PCDHGA6: variants seen among roughly 807,000 people sequenced by gnomAD.
PCDHGA6 encodes protocadherin gamma subfamily A, 6.
Under a neutral mutation model 60.6 loss-of-function variants are expected in PCDHGA6, and 41 were observed. The ratio of observed to expected loss-of-function variants is 0.68; its 90% CI spans 0.53 to 0.88. The LOEUF is 0.88. Ranked by LOEUF, PCDHGA6 falls within the 40% of genes least tolerant of loss-of-function variation. The probability of loss-of-function intolerance (pLI) is 0.00; values close to 1 mark genes in which losing one functional copy is unlikely to be tolerated. For missense variants in PCDHGA6, 1,312 were observed against 1,203.0 expected (o/e 1.09, Z -1.34); for synonymous variants, 594 against 524.4 (o/e 1.13, Z -1.81).
chr5:141,471,444 A>T (rs1366430114), intron 1 of PCDHGA6: 1 of 152,150 alleles, frequency 6.6e-6, no homozygotes, highest in Non-Finnish European at 1.5e-5. Flanking sequence ...AATCTCATGT[A>T]CCTTTTGAAA....
Position 141,375,790 on chromosome 5 carries a change from A to T in PCDHGA6, c.1707A>T (p.Thr569=). The T allele has an allele frequency of 6.2e-7, 1 of 1,614,216 alleles. No homozygotes were observed. The change falls in exon 1 of 4, where the codon ACA becomes ACT. Residue 569 remains threonine (T), a synonymous_variant. Transcript: ENST00000517434. ...AGATCCTGTACCCCGCCCTCCCCAC[A>T]GACGGTTCCACTGGCGTGGAGCTGG... ...APEILYPALP[T]DGSTGVELAP... is the part of the protein sequence containing the mutation.
Position 141,374,071 on chromosome 5 carries a change from T to C in PCDHGA6, c.-13T>C, listed in dbSNP as rs1443520558. 2.0e-6 allele frequency: 3 copies of C among 1,507,898 alleles called. No homozygotes were observed. The highest frequency in any genetic ancestry group is 2.7e-6 in the Non-Finnish European group (3 of 1,129,936). 93.4% of individuals were successfully genotyped at this position (1,507,898 alleles called of 1,614,324 possible). ...CTCTTCTTAATCCCAGAGAAGTTCC[T>C]AATAAGCCAGTAATGGCGCCTCCGC... is the stretch of plus-strand genomic sequence containing the variant. On this transcript the variant is annotated 5_prime_UTR_variant, in exon 1 of 4. Transcript: ENST00000517434.
In PCDHGA6 at chr5:141,430,673, C is replaced by T. The variant is rs183365013; in HGVS notation, c.2424+54166C>T. 1.5e-4 allele frequency: 198 copies of T among 1,288,318 alleles called. 2 individuals are homozygous for T. In the African/African-American group the frequency reaches 2.8e-3, roughly 18 times the overall value. The allele number at this position is 1,288,318 out of a possible 1,614,324, so 79.8% of individuals were successfully genotyped here. On this transcript the variant is annotated intron_variant, in intron 1 of 3. Coordinates refer to ENST00000517434, the MANE Select transcript of PCDHGA6 (RefSeq NM_018919.3). Reference sequence around the variant, plus strand: ...AAACAACGGAGGAGCTCTGACTTCCCAACTGTCCCATTCTATGGGCGAAGG... The same window carrying T: ...AAACAACGGAGGAGCTCTGACTTCCTAACTGTCCCATTCTATGGGCGAAGG...
rs116187844 is a variant in PCDHGA6, at chr5:141,424,198, C to T, written c.2424+47691C>T. The T allele has an allele frequency of 8.5e-3, 1,543 of 182,010 alleles. 28 individuals are homozygous for T. Among genetic ancestry groups the T allele is most frequent in the African/African-American group, 0.035 (1,445 of 41,852 alleles). The allele number at this position is 182,010 out of a possible 1,614,324, so 11.3% of individuals were successfully genotyped here. ...ATACACATGCACACACACTTATACA[C>T]GTAAGCTTTTCTCTGAGCAATTTTA... On this transcript the variant is annotated intron_variant, in intron 1 of 3. Coordinates refer to ENST00000517434, the MANE Select transcript of PCDHGA6 (RefSeq NM_018919.3).
Position 141,491,030 on chromosome 5 carries a change from C to T in PCDHGA6, c.2425-3777C>T. ...GTCACCAAGGTGACAGCCGTGGATG[C>T]TGATGCAGGCCACAATGCGTGGCTC... On this transcript the variant is annotated intron_variant, in intron 1 of 3. Transcript: ENST00000517434. The surrounding 1 kb of genome is among the most constrained non-coding windows in gnomAD (Gnocchi z 6.9). 6.2e-7 allele frequency: 1 copy of T among 1,614,148 alleles called. No individual in the cohort carries two copies. Among genetic ancestry groups the T allele is most frequent in the South Asian group, 1.1e-5 (1 of 91,088 alleles).
In PCDHGA6 at chr5:141,379,822, T is replaced by C. The variant is rs186939729; in HGVS notation, c.2424+3315T>C. ...GGTTTTGAGAGTTCAGTATAGAATT[T>C]TGAAGCATCAGGAAAAAAAACTACC... On this transcript the variant is annotated intron_variant, in intron 1 of 3. Transcript: ENST00000517434. Among the ~76,000 whole-genome samples, 5 of 150,884 alleles carry C rather than the reference T, an allele frequency of 3.3e-5. No individual in the cohort carries two copies. In the East Asian group the frequency reaches 9.7e-4, roughly 29 times the overall value.
chr5:141,374,334 T>G lies in PCDHGA6; in HGVS notation c.251T>G (p.Leu84Trp). The stretch of plus-strand genomic sequence containing the variant: ...TCTCTGAATCCGCGAAACGGCAGCT[T>G]GGTCACCGCGGGTAGGATAGACCGC... ...LFSLNPRNGS[L>W]VTAGRIDREE... The change falls in exon 1 of 4, where the codon TTG becomes TGG. Residue 84 changes from leucine to tryptophan, a missense_variant. Physicochemically the swap from Leu to Trp is moderately conservative, Grantham distance 61. Coordinates refer to ENST00000517434, the MANE Select transcript of PCDHGA6 (RefSeq NM_018919.3). 1.2e-6 allele frequency: 2 copies of G among 1,614,018 alleles called. No individual in the cohort carries two copies. The highest frequency in any genetic ancestry group is 2.2e-5 in the South Asian group (2 of 91,088).
intron 1 of PCDHGA6, chr5:141,420,931 AATC>A: frequency 2.7e-6 from 1 of 369,128 alleles, no homozygotes; most frequent in African/African-American, 2.1e-5. Context: ...AGGTGAGCGT[AATC>A]ATTTCTTCTG....
intron 1 of PCDHGA6, chr5:141,414,666 A>G (rs1243321329): frequency 6.2e-7 from 1 of 1,614,002 alleles, no homozygotes; most frequent in Admixed American, 1.7e-5. Context: ...CCCTGGCTGA[A>G]GACACCATCC....
intron 1 of PCDHGA6, chr5:141,405,129 G>C: frequency 6.2e-7 from 1 of 1,613,964 alleles, no homozygotes. Flanking sequence ...CATCTGCTGC[G>C]GGCTACCAGT....
At position 141,414,606 on chromosome 5, in the gene PCDHGA6, A is replaced by G. The variant is rs760846889; in HGVS notation, c.2424+38099A>G. ...ACGCCAGGGGTGCCTCCATCTTCTCAGTGACAGCGCTGGACCCGGACAGCA... is the reference window on the plus strand; with the variant it reads ...ACGCCAGGGGTGCCTCCATCTTCTCGGTGACAGCGCTGGACCCGGACAGCA... On this transcript the variant is annotated intron_variant, in intron 1 of 3. Coordinates refer to ENST00000517434, the MANE Select transcript of PCDHGA6 (RefSeq NM_018919.3). The G allele has an allele frequency of 1.6e-5, 26 of 1,613,826 alleles. No homozygotes were observed. In the East Asian group the frequency reaches 5.6e-4, roughly 35 times the overall value.
intron 1 of PCDHGA6, chr5:141,398,503 A>G (rs2093664041): frequency 1.9e-6 from 3 of 1,601,316 alleles, no homozygotes; most frequent in Non-Finnish European, 1.7e-6. Flanking sequence ...GATCGAGGAC[A>G]TTAATGACCA....
At chr5:141,475,959 A>T (rs963363028) in intron 1 of PCDHGA6, 15 of 817,720 alleles carry the variant, frequency 1.8e-5, no homozygotes, top group East Asian at 2.6e-5. Context: ...GCGCCCCGGG[A>T]TGAGGCAGAG....
At chr5:141,495,814 T>C (rs2099764028) in intron 2 of PCDHGA6, among the ~76,000 whole-genome samples, 1 of 152,134 alleles carries the variant, frequency 6.6e-6, no homozygotes, top group Non-Finnish European at 1.5e-5. Context: ...TCCTAGCGCC[T>C]TGTGTTCTTC....
chr5:141,423,092 A>T (rs2096708373), intron 1 of PCDHGA6: 5 of 1,613,952 alleles, frequency 3.1e-6, no homozygotes, highest in South Asian at 2.2e-5. Flanking sequence ...GCGGTGGGGG[A>T]GCACACGGGC....
chr5:141,428,794 T>C (rs2097161574), intron 1 of PCDHGA6: 1 of 152,852 alleles, frequency 6.5e-6, no homozygotes, highest in African/African-American at 2.4e-5. Context: ...CCTTTCTGTG[T>C]GGGCCAGTAA....
chr5:141,473,377 C>T (rs2099320819), intron 1 of PCDHGA6, among the ~76,000 whole-genome samples: 1 of 152,202 alleles, frequency 6.6e-6, no homozygotes, highest in Admixed American at 6.5e-5. Flanking sequence ...TAGCATGGTC[C>T]CTGCCCTCCT....
At chr5:141,404,107 T>C in intron 1 of PCDHGA6, 1 of 1,613,552 alleles carries the variant, frequency 6.2e-7, no homozygotes, top group Non-Finnish European at 8.5e-7. Flanking sequence ...TTGTCTGTTC[T>C]ATCCAGGAGA....
Position 141,487,682 on chromosome 5 carries a change from G to A in PCDHGA6, c.2425-7125G>A, listed in dbSNP as rs757434520. On this transcript the variant is annotated intron_variant, in intron 1 of 3. Transcript: ENST00000517434. This position sits in a 1 kb window ranked among gnomAD's most constrained non-coding sequence, Gnocchi z 5.0. ...TGATCCAGGCATATGGCTAGGCCATGTCCTAGAGAGTACTGGCCTCTCAGT... is the reference window on the plus strand; with the variant it reads ...TGATCCAGGCATATGGCTAGGCCATATCCTAGAGAGTACTGGCCTCTCAGT... The A allele has an allele frequency of 1.2e-6, 2 of 1,607,256 alleles. No individual in the cohort carries two copies. Among genetic ancestry groups the A allele is most frequent in the East Asian group, 4.5e-5 (2 of 44,762 alleles).
Sources: gnomAD v4.1 joint callset for allele counts (sites outside exome capture counted in the v4.1 genomes callset) on GRCh38, gnomAD v4.1.1 for gene constraint, Gnocchi (gnomAD v3.1) non-coding constraint, MANE v1.5 for transcripts, NCBI Gene and HGNC (gene_info 2026-07-23, HGNC 2026-07-21) for gene names.